Variants in GNE observed in about 807,000 individuals in gnomAD.
GNE encodes bifunctional UDP-N-acetylglucosamine 2-epimerase/N-acetylmannosamine kinase.
A neutral mutation model predicts 61.8 loss-of-function variants in GNE; 41 were observed. The ratio of observed to expected loss-of-function variants is 0.66; its 90% CI spans 0.52 to 0.86. The LOEUF is 0.86. GNE is among the 40% of genes least tolerant of loss of function. GNE has a pLI of 0.00. For synonymous variants in GNE, 264 were observed against 326.4 expected (o/e 0.81, Z 2.06); for missense variants, 608 against 909.1 (o/e 0.67, Z 4.26).
chr9:36,223,368 C>G lies in GNE; in HGVS notation c.1411+5G>C. The G allele has an allele frequency of 1.9e-6, 3 of 1,611,584 alleles. No individual in the cohort carries two copies. The highest frequency in any genetic ancestry group is 2.5e-6 in the Non-Finnish European group (3 of 1,177,632). The stretch of plus-strand genomic sequence containing the variant: ...ATTTCTTGGATTTATAATTTACAAT[C>G]TTACCTACTCCCAAAATTCTGCAGT... On this transcript the variant is annotated splice_donor_5th_base_variant and intron_variant, in intron 8 of 11. Coordinates refer to ENST00000642385, the MANE Select transcript of GNE (RefSeq NM_005476.7).
chr9:36,248,021 C>A (rs1260151889), intron 2 of GNE, among the ~76,000 whole-genome samples: 1 of 93,366 alleles, frequency 1.1e-5, no homozygotes, highest in African/African-American at 4.0e-5. Context: ...AGCAAAACTC[C>A]GTCTCAAAAA....
At chr9:36,241,726 C>T (rs1193548505) in intron 3 of GNE, among the ~76,000 whole-genome samples, 2 of 152,054 alleles carry the variant, frequency 1.3e-5, no homozygotes, top group South Asian at 2.1e-4. Context: ...GCCTTTTTAA[C>T]ATTGCTAATT....
At chr9:36,221,966 G>A (rs1452449764) in intron 9 of GNE, among the ~76,000 whole-genome samples, 1 of 152,170 alleles carries the variant, frequency 6.6e-6, no homozygotes, top group Non-Finnish European at 1.5e-5. Context: ...CTGGATACCA[G>A]TACCTGACGG....
chr9:36,250,607 C>T (rs571545831), intron 1 of GNE, among the ~76,000 whole-genome samples: 2 of 152,288 alleles, frequency 1.3e-5, no homozygotes, highest in African/African-American at 4.8e-5. Flanking sequence ...AAGGACTTCC[C>T]CTAGTCCAGT....
intron 5 of GNE, 118 bp from the exon 6 acceptor site, chr9:36,229,226 A>G (rs1320472953): frequency 1.3e-6 from 1 of 746,810 alleles, no homozygotes; most frequent in South Asian, 1.4e-5. Context: ...CTTCAGGTTA[A>G]GTCTTTTGTT....
At chr9:36,221,464 T>G (rs2133013073) in intron 9 of GNE, among the ~76,000 whole-genome samples, 1 of 152,266 alleles carries the variant, frequency 6.6e-6, no homozygotes, top group East Asian at 1.9e-4. Context: ...AAAAATCAAG[T>G]TATACACTTA....
Position 36,227,463 on chromosome 9 carries a change from A to G in GNE, c.1071-5T>C. The G allele has an allele frequency of 2.6e-6, 4 of 1,555,354 alleles. No individual in the cohort carries two copies. Among genetic ancestry groups the G allele is most frequent in the Non-Finnish European group, 3.6e-6 (4 of 1,126,596 alleles). On this transcript the variant is annotated splice_region_variant and splice_polypyrimidine_tract_variant and intron_variant, in intron 6 of 11. Coordinates refer to ENST00000642385, the MANE Select transcript of GNE (RefSeq NM_005476.7). ...CCATCCCCATATATCTTTGAACTGCAATATACAAAAAGTCAATTAAATTAT... is the reference window on the plus strand; with the variant it reads ...CCATCCCCATATATCTTTGAACTGCGATATACAAAAAGTCAATTAAATTAT...
At chr9:36,251,274 C>A (rs559460407) in intron 1 of GNE, among the ~76,000 whole-genome samples, 2 of 152,154 alleles carry the variant, frequency 1.3e-5, no homozygotes, top group Non-Finnish European at 2.9e-5. Flanking sequence ...TCGCTCTGAG[C>A]GTTATGGCCC....
At chr9:36,273,535 G>A (rs1274333811) in intron 1 of GNE, among the ~76,000 whole-genome samples, 1 of 151,726 alleles carries the variant, frequency 6.6e-6, no homozygotes, top group African/African-American at 2.4e-5. Flanking sequence ...TAAACTTTAC[G>A]TGTTTTGAAA....
intron 1 of GNE, among the ~76,000 whole-genome samples, chr9:36,257,802 C>CAAAAAAAAAAAAAAAAAAAAAAAAAAA (rs60845805): frequency 4.0e-5 from 1 of 25,236 alleles, no homozygotes; most frequent in African/African-American, 1.3e-4. Context: ...GACTCAGTCT[C>CAAAAAAAAAAAAAAAAAAAAAAAAAAA]AAAAAAAAAA....
intron 3 of GNE, among the ~76,000 whole-genome samples, chr9:36,238,732 T>C (rs931546636): frequency 6.6e-6 from 1 of 152,220 alleles, no homozygotes; most frequent in East Asian, 1.9e-4. Flanking sequence ...CAAAAGCTCT[T>C]TAGTTTAATT....
chr9:36,217,157 A>G lies in GNE; in HGVS notation c.*208T>C, dbSNP rs771508931. On this transcript the variant is annotated 3_prime_UTR_variant, in exon 12 of 12. Coordinates refer to ENST00000642385, the MANE Select transcript of GNE (RefSeq NM_005476.7). ...GTTTGAGCTAAAATGACCCCTAGTA[A>G]GAAGACATCAGAAAGAATAGCATCT... The G allele has an allele frequency of 3.0e-4, 176 of 595,846 alleles. 2 individuals are homozygous for G. The highest frequency in any genetic ancestry group is 8.3e-5 in the Admixed American group (3 of 36,174). 36.9% of individuals were successfully genotyped at this position (595,846 alleles called of 1,614,324 possible). A position where few individuals can be genotyped will look rare whatever the true frequency, so the allele number is the denominator to read the frequency against.
chr9:36,272,886 C>T (rs1235420650), intron 1 of GNE, among the ~76,000 whole-genome samples: 4 of 124,858 alleles, frequency 3.2e-5, no homozygotes, highest in Non-Finnish European at 6.4e-5. Flanking sequence ...GCCTGGCCAA[C>T]GTGGTGGTGA....
rs60927241 is a variant in GNE, at chr9:36,267,350, A to G, written c.51+9544T>C. 3.1e-3 allele frequency among the ~76,000 whole-genome samples: 479 copies of G among 152,316 alleles called. 2 individuals are homozygous for G. Among genetic ancestry groups the G allele is most frequent in the African/African-American group, 0.011 (450 of 41,566 alleles). On this transcript the variant is annotated intron_variant, in intron 1 of 11. Transcript: ENST00000396594. ...TGCCAATCATAGAAGAAAGGTACAA[A>G]TTAACATAATGACTTTGTTTTTGTG...
At chr9:36,247,088 G>A (rs757418937) in intron 2 of GNE, among the ~76,000 whole-genome samples, 21 of 151,490 alleles carry the variant, frequency 1.4e-4, no homozygotes, top group Non-Finnish European at 2.2e-4. Flanking sequence ...ACAGAGTCTC[G>A]CTCTGTCGCC....
At chr9:36,247,918 C>T (rs988199085) in intron 2 of GNE, among the ~76,000 whole-genome samples, 1 of 150,830 alleles carries the variant, frequency 6.6e-6, no homozygotes, top group Non-Finnish European at 1.5e-5. Flanking sequence ...CCCAGCTACT[C>T]GGAAGGCTAA....
chr9:36,241,669 G>A (rs951368070), intron 3 of GNE, among the ~76,000 whole-genome samples: 3 of 152,018 alleles, frequency 2.0e-5, no homozygotes, highest in African/African-American at 7.2e-5. Context: ...CTGTTGTAAA[G>A]TCCTATATTT....
rs918998080 is a variant in GNE, at chr9:36,246,490, C to T, written c.165-8G>A. 1.9e-6 allele frequency: 3 copies of T among 1,599,846 alleles called. No homozygotes were observed. The highest frequency in any genetic ancestry group is 2.6e-6 in the Non-Finnish European group (3 of 1,168,958). On this transcript the variant is annotated splice_region_variant and splice_polypyrimidine_tract_variant and intron_variant, in intron 2 of 11. Transcript: ENST00000642385. Reference sequence around the variant, plus strand: ...ATCATTCGATATGTATTTCTAAAGCCGGGGAGAAATAAAGATATAAGAACA... The same window carrying T: ...ATCATTCGATATGTATTTCTAAAGCTGGGGAGAAATAAAGATATAAGAACA...
chr9:36,271,371 C>T (rs183819527), intron 1 of GNE, among the ~76,000 whole-genome samples: 2 of 152,258 alleles, frequency 1.3e-5, no homozygotes, highest in African/African-American at 4.8e-5. Context: ...TCATCTCAAA[C>T]TTTTTGTTTC....
Sources: gnomAD v4.1 joint callset for allele counts (sites outside exome capture counted in the v4.1 genomes callset) on GRCh38, gnomAD v4.1.1 for gene constraint, MANE v1.5 for transcripts, NCBI Gene and HGNC (gene_info 2026-07-23, HGNC 2026-07-21) for gene names.